Variants in VPS13B observed in about 807,000 individuals in gnomAD.
VPS13B encodes the protein intermembrane lipid transfer protein VPS13B.
A neutral mutation model predicts 426.4 loss-of-function variants in VPS13B; 285 were observed. The ratio of observed to expected loss-of-function variants is 0.67; its 90% CI spans 0.61 to 0.74. The LOEUF (loss-of-function observed/expected upper bound fraction) is 0.74. Among genes scored for constraint, VPS13B ranks in the 30% least tolerant of loss-of-function variants. The pLI is 0.00. For missense variants in VPS13B, 4,537 were observed against 4,782.6 expected (o/e 0.95, Z 1.51); for synonymous variants, 1,676 against 1,676.4 (o/e 1.00, Z 0.01).
At chr8:99,400,324 T>C (rs1814965796) in intron 21 of VPS13B, among the ~76,000 whole-genome samples, 1 of 152,204 alleles carries the variant, frequency 6.6e-6, no homozygotes, top group African/African-American at 2.4e-5. Context: ...GTTTCTTGGT[T>C]TCCTTCAGCA....
chr8:99,060,890 A>G (rs1844147283), intron 3 of VPS13B, among the ~76,000 whole-genome samples: 2 of 152,152 alleles, frequency 1.3e-5, no homozygotes, highest in Non-Finnish European at 2.9e-5. Flanking sequence ...AGTAAGAAGA[A>G]AACATTTAGA....
intron 21 of VPS13B, among the ~76,000 whole-genome samples, chr8:99,418,459 C>CTT (rs1177578082): frequency 1.2e-3 from 46 of 37,500 alleles, no homozygotes; most frequent in Admixed American, 3.7e-3. Context: ...TCATAGTTTT[C>CTT]TTTCTTTCTT....
At chr8:99,199,507 C>T (rs1344706810) in intron 17 of VPS13B, among the ~76,000 whole-genome samples, 1 of 152,118 alleles carries the variant, frequency 6.6e-6, no homozygotes, top group Non-Finnish European at 1.5e-5. Context: ...TTTGACTGTA[C>T]ACCACCTTTC....
intron 33 of VPS13B, among the ~76,000 whole-genome samples, chr8:99,620,765 A>T (rs1479627943): frequency 6.6e-6 from 1 of 151,732 alleles, no homozygotes; most frequent in East Asian, 1.9e-4. Context: ...TGAGGTCAGG[A>T]GTTTGAGACC....
intron 51 of VPS13B, among the ~76,000 whole-genome samples, chr8:99,824,576 A>G (rs923215348): frequency 1.3e-5 from 2 of 151,754 alleles, no homozygotes; most frequent in Non-Finnish European, 2.9e-5. Flanking sequence ...TCTCTCCATT[A>G]CATCTTAGAT....
chr8:99,529,345 T>C (rs1822810792), intron 30 of VPS13B, among the ~76,000 whole-genome samples: 1 of 152,160 alleles, frequency 6.6e-6, no homozygotes, highest in East Asian at 1.9e-4. Flanking sequence ...CAATAATGTA[T>C]TGTGGTCATC....
chr8:99,625,331 G>A (rs977424711), intron 33 of VPS13B, among the ~76,000 whole-genome samples: 2 of 152,120 alleles, frequency 1.3e-5, no homozygotes, highest in African/African-American at 4.8e-5. Flanking sequence ...AAGTGGGATG[G>A]GTGGGAAACT....
At chr8:99,375,502 A>G (rs890151877) in intron 19 of VPS13B, among the ~76,000 whole-genome samples, 2 of 152,210 alleles carry the variant, frequency 1.3e-5, no homozygotes, top group African/African-American at 4.8e-5. Context: ...GTATTGTACC[A>G]TACATACATA....
chr8:99,662,997 C>T (rs1035909476), intron 35 of VPS13B, among the ~76,000 whole-genome samples: 2 of 152,066 alleles, frequency 1.3e-5, no homozygotes, highest in African/African-American at 4.8e-5. Context: ...GCAAAGGTTG[C>T]AGTGAGATGA....
chr8:99,130,022 CACAA>C (rs1809693677), intron 8 of VPS13B, among the ~76,000 whole-genome samples: 2 of 152,272 alleles, frequency 1.3e-5, no homozygotes, highest in East Asian at 1.9e-4. Flanking sequence ...GTGTCAAAAA[CACAA>C]ACAAAGGCAA....
chr8:99,776,485 A>G (rs576133904), intron 40 of VPS13B, among the ~76,000 whole-genome samples: 2 of 152,236 alleles, frequency 1.3e-5, no homozygotes, highest in East Asian at 3.9e-4. Context: ...GGATGAGGTG[A>G]GGTCTCACTA....
intron 19 of VPS13B, among the ~76,000 whole-genome samples, chr8:99,283,880 T>C (rs1003148852): frequency 1.3e-5 from 2 of 152,222 alleles, no homozygotes; most frequent in African/African-American, 4.8e-5. Flanking sequence ...TGTAAGGACA[T>C]TGCCTTTTGA....
chr8:99,355,304 C>T (rs1279746000), intron 19 of VPS13B, among the ~76,000 whole-genome samples: 1 of 152,058 alleles, frequency 6.6e-6, no homozygotes, highest in African/African-American at 2.4e-5. Context: ...CTTAAAAATC[C>T]CCTACTGGCT....
chr8:99,192,125 A>G (rs564581549), intron 16 of VPS13B, among the ~76,000 whole-genome samples: 103 of 152,208 alleles, frequency 6.8e-4, no homozygotes, highest in Non-Finnish European at 1.1e-3. Context: ...TCACAGACAT[A>G]TTGAAATGTT....
intron 3 of VPS13B, among the ~76,000 whole-genome samples, chr8:99,049,433 G>T (rs1843412349): frequency 6.6e-6 from 1 of 151,890 alleles, no homozygotes; most frequent in South Asian, 2.1e-4. Flanking sequence ...TAGTTTTGCT[G>T]GATACAAAAT....
chr8:99,142,341 C>A (rs2132578943), intron 12 of VPS13B, among the ~76,000 whole-genome samples: 1 of 152,236 alleles, frequency 6.6e-6, no homozygotes, highest in South Asian at 2.1e-4. Context: ...AAAAACCTCT[C>A]ATTTAAGAGA....
intron 19 of VPS13B, among the ~76,000 whole-genome samples, chr8:99,356,787 T>C (rs1812205800): frequency 6.6e-6 from 1 of 152,228 alleles, no homozygotes; most frequent in Non-Finnish European, 1.5e-5. Flanking sequence ...GGAGAATCTC[T>C]AGTATTATTG....
chr8:99,355,632 C>G (rs2133222340), intron 19 of VPS13B, among the ~76,000 whole-genome samples: 1 of 152,194 alleles, frequency 6.6e-6, no homozygotes. Context: ...ACCTACCTCT[C>G]TAAATGAATG....
chr8:99,809,601 T>C, intron 44 of VPS13B, 71 bp downstream of exon 44: 5 of 1,586,270 alleles, frequency 3.2e-6, no homozygotes, highest in East Asian at 4.5e-5. Flanking sequence ...AAATAATTAA[T>C]AATTTTTTTA....
Sources: allele counts gnomAD v4.1 joint callset (sites outside exome capture counted in the v4.1 genomes callset), GRCh38; gene constraint gnomAD v4.1.1; transcripts MANE v1.5; gene names NCBI Gene and HGNC (gene_info 2026-07-23, HGNC 2026-07-21).